Variants in DPY19L2 observed in about 807,000 individuals in gnomAD.
The protein encoded by DPY19L2 is dpy-19 like 2.
DPY19L2 carries 34 observed loss-of-function variants against 97.9 expected under a neutral mutation model. The observed-to-expected ratio is 0.35, with a 90% confidence interval of 0.26 to 0.46. DPY19L2 has a LOEUF of 0.46. Among genes scored for constraint, DPY19L2 ranks in the 20% least tolerant of loss-of-function variants. DPY19L2 has a pLI of 1.00. For missense variants in DPY19L2, 623 were observed against 911.4 expected, an observed-to-expected ratio of 0.68 and a Z score of 4.07; for synonymous variants, 230 against 307.9, an observed-to-expected ratio of 0.75 and a Z score of 2.65.
At position 63,667,979 on chromosome 12, in the gene DPY19L2, T is replaced by A. The variant is rs1412297620; in HGVS notation, c.337+78A>T. 8 of 1,504,084 alleles carry A rather than the reference T, an allele frequency of 5.3e-6. No individual in the cohort carries two copies. The Admixed American group carries it at 1.5e-4, about 28-fold the overall frequency. 93.2% of individuals were successfully genotyped at this position (1,504,084 alleles called of 1,614,324 possible). On this transcript the variant is annotated intron_variant, in intron 1 of 21. Transcript: ENST00000324472. The stretch of plus-strand genomic sequence containing the variant: ...CTACTAGGCACCCACAAACCCTTGC[T>A]TGTTAAACTGATCTCCTTCAAGACT...
At chr12:63,629,092 T>G (rs1363082242) in intron 6 of DPY19L2, among the ~76,000 whole-genome samples, 4 of 151,690 alleles carry the variant, frequency 2.6e-5, no homozygotes, top group East Asian at 1.9e-4. Flanking sequence ...AGACCAAAGG[T>G]AGATAAAACC....
At chr12:63,654,680 A>G (rs1333172388) in intron 4 of DPY19L2, among the ~76,000 whole-genome samples, 1 of 152,154 alleles carries the variant, frequency 6.6e-6, no homozygotes, top group Non-Finnish European at 1.5e-5. Context: ...AGCAGAAGTG[A>G]CGATGCCATT....
chr12:63,627,592 C>T (rs563584933), intron 6 of DPY19L2, among the ~76,000 whole-genome samples: 10 of 152,254 alleles, frequency 6.6e-5, no homozygotes, highest in East Asian at 1.9e-4. Flanking sequence ...TCAAGTGATC[C>T]GGCCACCTCA....
In DPY19L2 at chr12:63,583,830, C is replaced by T. The variant is rs150872693; in HGVS notation, c.1587G>A (p.Gln529=). Residue 529 remains glutamine (Q), a synonymous_variant, in exon 17 of 22, where the codon CAG becomes CAA. Coordinates refer to ENST00000324472, the MANE Select transcript of DPY19L2 (RefSeq NM_173812.5). ...VLATNIYLRK[Q]LLEHSELAFH... ...GCTTTACCTCACTGTGTTCAAGGAG[C>T]TGTTTTCTAGAATAAAACAAAAATA... 5.3e-4 allele frequency: 847 copies of T among 1,610,794 alleles called. 2 individuals carry two copies. Among genetic ancestry groups the T allele is most frequent in the Non-Finnish European group, 7.0e-4 (821 of 1,177,786 alleles).
chr12:63,605,531 A>G (rs1885891204), intron 12 of DPY19L2, among the ~76,000 whole-genome samples: 2 of 152,220 alleles, frequency 1.3e-5, no homozygotes, highest in Non-Finnish European at 2.9e-5. Context: ...ATACACACAC[A>G]CGTGTGCACA....
intron 19 of DPY19L2, among the ~76,000 whole-genome samples, chr12:63,576,259 A>T (rs1422948984): frequency 6.6e-6 from 1 of 151,966 alleles, no homozygotes; most frequent in East Asian, 1.9e-4. Context: ...CATGATAAAA[A>T]CCTTCAAATA....
In DPY19L2 at chr12:63,559,043, A is replaced by C. The variant is rs1359613208; in HGVS notation, c.*1469T>G. On this transcript the variant is annotated 3_prime_UTR_variant, in exon 22 of 22. Coordinates refer to ENST00000324472, the MANE Select transcript of DPY19L2 (RefSeq NM_173812.5). ...CTTATTTAAAATATTTCCTGTAAAA[A>C]CATCATCCAAAATATACTTTGTTAA... The C allele has an allele frequency of 6.6e-6, 1 of 152,168 alleles. No homozygotes were observed. The highest frequency in any genetic ancestry group is 1.5e-5 in the Non-Finnish European group (1 of 68,010). The allele number at this position is 152,168 out of a possible 1,614,324, so 9.4% of individuals were successfully genotyped here.
chr12:63,630,536 A>G (rs2137925599), intron 6 of DPY19L2, among the ~76,000 whole-genome samples: 1 of 152,286 alleles, frequency 6.6e-6, no homozygotes, highest in East Asian at 1.9e-4. Context: ...ATATATATGC[A>G]CCCAATACAG....
intron 7 of DPY19L2, among the ~76,000 whole-genome samples, chr12:63,625,443 C>T (rs1480242824): frequency 6.6e-6 from 1 of 151,358 alleles, no homozygotes; most frequent in African/African-American, 2.4e-5. Context: ...TGTGACATAA[C>T]ATATTAAATG....
chr12:63,586,236 A>T (rs1482322364), intron 16 of DPY19L2, among the ~76,000 whole-genome samples: 1 of 152,202 alleles, frequency 6.6e-6, no homozygotes, highest in Non-Finnish European at 1.5e-5. Context: ...ATAAATATCT[A>T]TTAACCAATC....
chr12:63,609,944 T>C (rs1412953889), intron 11 of DPY19L2, among the ~76,000 whole-genome samples: 2 of 151,988 alleles, frequency 1.3e-5, no homozygotes, highest in Non-Finnish European at 2.9e-5. Flanking sequence ...TGCAACATTG[T>C]TTGTAAATGC....
chr12:63,655,833 T>G (rs779513325), intron 4 of DPY19L2, among the ~76,000 whole-genome samples: 9 of 152,104 alleles, frequency 5.9e-5, no homozygotes, highest in Non-Finnish European at 1.2e-4. Context: ...CTTGCTAATC[T>G]TTTGTCAGCA....
At chr12:63,629,509 T>C (rs573576693) in intron 6 of DPY19L2, among the ~76,000 whole-genome samples, 70 of 151,942 alleles carry the variant, frequency 4.6e-4, no homozygotes, top group Non-Finnish European at 9.1e-4. Context: ...GAGGAGAAGT[T>C]TAGAGTAAAA....
At chr12:63,614,330 T>C (rs1163557059) in intron 11 of DPY19L2, among the ~76,000 whole-genome samples, 2 of 152,102 alleles carry the variant, frequency 1.3e-5, no homozygotes, top group African/African-American at 2.4e-5. Context: ...AATTCTCTTG[T>C]AGAACAAGAC....
At chr12:63,602,304 A>C (rs1191773515) in intron 12 of DPY19L2, among the ~76,000 whole-genome samples, 1 of 152,076 alleles carries the variant, frequency 6.6e-6, no homozygotes, top group Non-Finnish European at 1.5e-5. Context: ...GATGATAAAA[A>C]GAAAAATTCA....
chr12:63,668,307 C>T lies in DPY19L2; in HGVS notation c.87G>A (p.Arg29=), dbSNP rs1171690390. Residue 29 remains arginine (R), a synonymous_variant, in exon 1 of 22, where the codon CGG becomes CGA. Coordinates refer to ENST00000324472, the MANE Select transcript of DPY19L2 (RefSeq NM_173812.5). ...CCATCTCCTCCTCTACCTCCGGCTC[C>T]CGGGCGAGGGAGGCCCCGCGCCGCC... ...SKGRRGASLA[R]EPEVEEEMEK... is the part of the protein sequence containing the mutation. 1 of 1,613,958 alleles carries T rather than the reference C, an allele frequency of 6.2e-7. No individual in the cohort carries two copies. The highest frequency in any genetic ancestry group is 1.7e-4 in the Middle Eastern group (1 of 6,056).
rs1876207906 is a variant in DPY19L2, at chr12:63,560,200, T to C, written c.*312A>G. 1 of 194,778 alleles carries C rather than the reference T, an allele frequency of 5.1e-6. No homozygotes were observed. Among genetic ancestry groups the C allele is most frequent in the Non-Finnish European group, 1.0e-5 (1 of 95,718 alleles). 12.1% of individuals were successfully genotyped at this position (194,778 alleles called of 1,614,324 possible). On this transcript the variant is annotated 3_prime_UTR_variant, in exon 22 of 22. Coordinates refer to ENST00000324472, the MANE Select transcript of DPY19L2 (RefSeq NM_173812.5). ...TCACCTAGTTGGATGAAAAAGGACT[T>C]ACATACCCCTGATTTATTAAAATTC...
At position 63,656,122 on chromosome 12, in the gene DPY19L2, T is replaced by A. The variant is rs142763835; in HGVS notation, c.588+5222A>T. On this transcript the variant is annotated intron_variant, in intron 4 of 21. Coordinates refer to ENST00000324472, the MANE Select transcript of DPY19L2 (RefSeq NM_173812.5). ...GAAGACTGTCTGGCTTTTGTTGTTGTTGCTGCTGACATTGCTGGAAGGCCA... is the reference window on the plus strand; with the variant it reads ...GAAGACTGTCTGGCTTTTGTTGTTGATGCTGCTGACATTGCTGGAAGGCCA... Among the ~76,000 whole-genome samples the A allele has an allele frequency of 3.3e-5, 5 of 152,298 alleles. No homozygotes were observed. The East Asian group carries it at 9.6e-4, about 29-fold the overall frequency.
rs79454879 is a variant in DPY19L2 at position 63,663,814 on chromosome 12, G to C, written c.394C>G (p.Arg132Gly). ...AAAGATGAGAGGTGAGAGAAATGAC[G>C]ATCATTTTCAAAAAGTGTTACTAAA... ...LHLVTLFEND[R>G]HFSHLSSLER... is the part of the protein sequence containing the mutation. The change falls in exon 3 of 22, where the codon CGT becomes GGT. Residue 132 changes from arginine to glycine, a missense_variant. By Grantham distance (125) the Arg-to-Gly change is moderately radical. Transcript: ENST00000324472. 6.2e-7 allele frequency: 1 copy of C among 1,603,102 alleles called. No individual in the cohort carries two copies. The highest frequency in any genetic ancestry group is 1.1e-5 in the South Asian group (1 of 87,884).
Sources: gnomAD v4.1 joint callset for allele counts (sites outside exome capture counted in the v4.1 genomes callset) on GRCh38, gnomAD v4.1.1 for gene constraint, MANE v1.5 for transcripts, NCBI Gene and HGNC (gene_info 2026-07-23, HGNC 2026-07-21) for gene names.